The following XPO1 variants were observed in gnomAD, a reference collection of about 807,000 sequenced individuals.
XPO1 encodes exportin 1, also known as exportin-1.
In XPO1, 5 loss-of-function variants were observed where a neutral mutation model predicts 133.3. The observed-to-expected ratio is 0.04, with a 90% CI of 0.02 to 0.08. XPO1 has a LOEUF of 0.08. Ranked by LOEUF, XPO1 falls within the 10% of genes least tolerant of loss-of-function variation. The probability of loss-of-function intolerance (pLI) is 1.00; values close to 1 mark genes in which losing one functional copy is unlikely to be tolerated. For missense variants in XPO1, 506 were observed against 1,267.5 expected (o/e 0.40, Z 9.12); for synonymous variants, 419 against 408.2 (o/e 1.03, Z -0.32).
intron 20 of XPO1, 120 bp from the exon 21 acceptor site, chr2:61,484,225 T>C (rs1028195434): frequency 3.9e-5 from 32 of 825,132 alleles, no homozygotes; most frequent in Admixed American, 9.2e-5. Flanking sequence ...CCACAGAAGA[T>C]AGAATGCCTC....
intron 12 of XPO1, chr2:61,493,368 G>T (rs1015092415): frequency 5.7e-5 from 12 of 210,380 alleles, no homozygotes; most frequent in African/African-American, 2.8e-4. Context: ...AATTTGCTAG[G>T]CATGGTGGTG....
At chr2:61,530,273 TGTTA>T (rs1699093136) in intron 2 of XPO1, among the ~76,000 whole-genome samples, 1 of 152,210 alleles carries the variant, frequency 6.6e-6, no homozygotes. Flanking sequence ...TATTCTTTCC[TGTTA>T]GTTGTAATTT....
intron 9 of XPO1, 51 bp downstream of exon 9, chr2:61,498,622 A>C (rs1189863236): frequency 6.3e-7 from 1 of 1,596,444 alleles, no homozygotes; most frequent in Non-Finnish European, 8.5e-7. Flanking sequence ...ACATGTGAAA[A>C]GAATATATGT....
At chr2:61,536,365 GTGT>G (rs1475605728) in intron 1 of XPO1, 1 of 152,208 alleles carries the variant, frequency 6.6e-6, no homozygotes, top group African/African-American at 2.4e-5. Flanking sequence ...AGTGCGAGAG[GTGT>G]AACCACGAAC....
chr2:61,499,134 TG>T (rs1697381045), intron 7 of XPO1, among the ~76,000 whole-genome samples: 1 of 152,202 alleles, frequency 6.6e-6, no homozygotes, highest in Non-Finnish European at 1.5e-5. Context: ...TAAAACTTAA[TG>T]GAAGTATAAC....
At chr2:61,505,344 A>G (rs1229444508) in intron 4 of XPO1, among the ~76,000 whole-genome samples, 2 of 152,042 alleles carry the variant, frequency 1.3e-5, no homozygotes, top group Non-Finnish European at 2.9e-5. Flanking sequence ...CTTTTAAATG[A>G]ACACTAAATT....
At chr2:61,489,423 A>AAC (rs2104396099) in intron 17 of XPO1, among the ~76,000 whole-genome samples, 1 of 151,844 alleles carries the variant, frequency 6.6e-6, no homozygotes, top group South Asian at 2.1e-4. Context: ...CAAAAAAAAA[A>AAC]AAAATCCACA....
At chr2:61,500,224 T>C (rs1697436209) in intron 6 of XPO1, among the ~76,000 whole-genome samples, 2 of 152,074 alleles carry the variant, frequency 1.3e-5, no homozygotes, top group Non-Finnish European at 2.9e-5. Context: ...TGCTCATGCC[T>C]GTAATCCCAG....
chr2:61,522,361 A>G (rs1228743581), intron 4 of XPO1, among the ~76,000 whole-genome samples: 1 of 152,162 alleles, frequency 6.6e-6, no homozygotes, highest in Non-Finnish European at 1.5e-5. Flanking sequence ...CATAGCCCAT[A>G]TTTTTAACTA....
intron 1 of XPO1, 102 bp from the exon 2 acceptor site, chr2:61,534,005 TAATG>T: frequency 8.7e-7 from 1 of 1,152,156 alleles, no homozygotes; most frequent in Non-Finnish European, 1.1e-6. Context: ...ACAAATATTT[TAATG>T]AATACTTTAG....
intron 4 of XPO1, among the ~76,000 whole-genome samples, chr2:61,503,574 G>A (rs1051413040): frequency 2.6e-5 from 4 of 152,056 alleles, no homozygotes; most frequent in African/African-American, 4.8e-5. Flanking sequence ...ACAGGCGCCC[G>A]CCACCATGCT....
Sources: allele counts gnomAD v4.1 joint callset (sites outside exome capture counted in the v4.1 genomes callset), GRCh38; gene constraint gnomAD v4.1.1; transcripts MANE v1.5; gene names NCBI Gene and HGNC (gene_info 2026-07-23, HGNC 2026-07-21).